The following SENP7 variants were observed in gnomAD, a reference collection of about 807,000 sequenced individuals.
The protein encoded by SENP7 is SUMO specific peptidase 7, also known as sentrin-specific protease 7.
SENP7 carries 64 observed loss-of-function variants against 141.2 expected under a neutral mutation model. The observed-to-expected ratio is 0.45, with a 90% CI of 0.37 to 0.56. The LOEUF (loss-of-function observed/expected upper bound fraction) is 0.56. Ranked by LOEUF, SENP7 falls within the 20% of genes least tolerant of loss-of-function variation. The pLI, the probability that SENP7 is intolerant of heterozygous loss-of-function variation, is 0.00. For missense variants in SENP7, 1,025 were observed against 1,212.2 expected (o/e 0.85, Z 2.29); for synonymous variants, 382 against 426.4 (o/e 0.90, Z 1.28).
At chr3:101,454,874 C>A (rs1425715124) in intron 4 of SENP7, among the ~76,000 whole-genome samples, 2 of 152,078 alleles carry the variant, frequency 1.3e-5, no homozygotes, top group Non-Finnish European at 2.9e-5. Context: ...TGAGTAGTTT[C>A]TTTTGGAGCA....
At chr3:101,396,863 GA>G (rs2060983157) in intron 6 of SENP7, among the ~76,000 whole-genome samples, 2 of 152,092 alleles carry the variant, frequency 1.3e-5, no homozygotes, top group Non-Finnish European at 2.9e-5. Context: ...TGTTTTTTGA[GA>G]TGAAATTTTG....
intron 7 of SENP7, among the ~76,000 whole-genome samples, chr3:101,370,609 G>GT (rs1207383533): frequency 6.6e-6 from 1 of 152,000 alleles, no homozygotes; most frequent in Admixed American, 6.6e-5. Flanking sequence ...TTTTATTGAA[G>GT]TTTTTTTCAA....
intron 4 of SENP7, among the ~76,000 whole-genome samples, chr3:101,441,500 A>C (rs2062672028): frequency 6.6e-6 from 1 of 151,980 alleles, no homozygotes; most frequent in South Asian, 2.1e-4. Flanking sequence ...GCCCATACAC[A>C]CTGTCAAGGG....
At chr3:101,474,593 G>A (rs947985768) in intron 3 of SENP7, among the ~76,000 whole-genome samples, 2 of 152,032 alleles carry the variant, frequency 1.3e-5, no homozygotes, top group African/African-American at 4.8e-5. Flanking sequence ...AGAATATGGG[G>A]TTTTCTAGAT....
chr3:101,450,080 G>T (rs2063066974), intron 4 of SENP7, among the ~76,000 whole-genome samples: 1 of 152,148 alleles, frequency 6.6e-6, no homozygotes, highest in South Asian at 2.1e-4. Flanking sequence ...GGATAAAACA[G>T]ACTTTAAACC....
intron 20 of SENP7, among the ~76,000 whole-genome samples, chr3:101,330,005 T>C (rs1441971936): frequency 6.7e-6 from 1 of 149,862 alleles, no homozygotes; most frequent in African/African-American, 2.4e-5. Context: ...GAATATATAA[T>C]GTGCTTAAGA....
In SENP7 at chr3:101,325,767, C is replaced by A. The variant is rs1288987787; in HGVS notation, c.*176G>T. The A allele has an allele frequency of 9.3e-6, 4 of 430,272 alleles. No homozygotes were observed. Among genetic ancestry groups the A allele is most frequent in the Non-Finnish European group, 1.2e-5 (3 of 253,668 alleles). The allele number at this position is 430,272 out of a possible 1,614,324, so 26.7% of individuals were successfully genotyped here. On this transcript the variant is annotated 3_prime_UTR_variant, in exon 24 of 24. Transcript: ENST00000394095. ...TATATCACCCCCATTCCCATTCCATCTATGAGATCCCAACAATTCTAATAA... is the reference window on the plus strand; with the variant it reads ...TATATCACCCCCATTCCCATTCCATATATGAGATCCCAACAATTCTAATAA...
Position 101,341,727 on chromosome 3 carries a change from CTT to C in SENP7, c.2157_2158del (p.Ser720Ter). On this transcript the variant is annotated frameshift_variant, in exon 15 of 24. Coordinates refer to ENST00000394095, the MANE Select transcript of SENP7 (RefSeq NM_020654.5). LOFTEE classifies it high-confidence loss of function. Reference sequence around the variant, plus strand: ...AATAGAAAGGGAGTAGCAACCGCTACTTTGCTTCTGCAGGAAGGTGTAAGTAG... The same window carrying C: ...AATAGAAAGGGAGTAGCAACCGCTACTGCTTCTGCAGGAAGGTGTAAGTAG... 6.2e-7 allele frequency: 1 copy of C among 1,611,846 alleles called. No homozygotes were observed. The highest frequency in any genetic ancestry group is 8.5e-7 in the Non-Finnish European group (1 of 1,178,388).
intron 4 of SENP7, among the ~76,000 whole-genome samples, chr3:101,447,441 CA>C (rs2062939198): frequency 6.6e-6 from 1 of 150,940 alleles, no homozygotes; most frequent in South Asian, 2.1e-4. Flanking sequence ...GATCCTGTCT[CA>C]AAAAAAATAA....
In SENP7 at chr3:101,366,418, CCT is replaced by C. The variant is rs1250812320; in HGVS notation, c.1318+10_1318+11del. 2 of 1,516,748 alleles carry C rather than the reference CCT, an allele frequency of 1.3e-6. No homozygotes were observed. The allele number at this position is 1,516,748 out of a possible 1,614,324, so 94.0% of individuals were successfully genotyped here. ...GGAAATTAAGTAACTTTATAATCCT[CCT>C]GTCACTTACTTGGTTCAGCTGAGAT... is the stretch of plus-strand genomic sequence containing the variant. On this transcript the variant is annotated intron_variant, in intron 9 of 23. Coordinates refer to ENST00000394095, the MANE Select transcript of SENP7 (RefSeq NM_020654.5).
At chr3:101,478,811 T>C (rs1428120779) in intron 3 of SENP7, among the ~76,000 whole-genome samples, 1 of 152,150 alleles carries the variant, frequency 6.6e-6, no homozygotes, top group Admixed American at 6.6e-5. Flanking sequence ...ATATTATTAA[T>C]AGCATACCGA....
chr3:101,403,828 A>G (rs888019810), intron 5 of SENP7, among the ~76,000 whole-genome samples: 2 of 152,214 alleles, frequency 1.3e-5, no homozygotes, highest in East Asian at 1.9e-4. Context: ...CATAACAGCC[A>G]CAAAAAGAAT....
intron 15 of SENP7, 190 bp from the exon 16 acceptor site, chr3:101,340,401 A>G (rs1414882540): frequency 1.6e-6 from 1 of 630,428 alleles, no homozygotes; most frequent in African/African-American, 1.9e-5. Flanking sequence ...TGGTACTCCG[A>G]TTGAGTATTA....
chr3:101,464,717 T>C (rs539553419), intron 3 of SENP7, among the ~76,000 whole-genome samples: 1 of 152,206 alleles, frequency 6.6e-6, no homozygotes, highest in Non-Finnish European at 1.5e-5. Context: ...GCACAATAAA[T>C]GTAACATGCT....
At position 101,416,203 on chromosome 3, in the gene SENP7, AT is replaced by A. The variant is rs913494225; in HGVS notation, c.482+1389del. ...ACTAACTGAACAATAGACAACAACA[AT>A]TTTAAAACACAGCAAAAAACAAATT... is the stretch of plus-strand genomic sequence containing the variant. On this transcript the variant is annotated intron_variant, in intron 5 of 23. Transcript: ENST00000394095. Among the ~76,000 whole-genome samples, 54 of 152,260 alleles carry A rather than the reference AT, an allele frequency of 3.5e-4. 1 individual carries two copies. The highest frequency in any genetic ancestry group is 1.3e-3 in the African/African-American group (53 of 41,546).
At chr3:101,504,821 C>G (rs1262671898) in intron 1 of SENP7, among the ~76,000 whole-genome samples, 1 of 152,138 alleles carries the variant, frequency 6.6e-6, no homozygotes, top group Admixed American at 6.5e-5. Flanking sequence ...GAGTTTGGGA[C>G]CAGCCTGCAC....
intron 14 of SENP7, 69 bp downstream of exon 14, chr3:101,343,617 C>T (rs1035000622): frequency 8.8e-6 from 13 of 1,477,232 alleles, no homozygotes; most frequent in Non-Finnish European, 1.0e-5. Flanking sequence ...TGAAAGCAGC[C>T]TAATATCAAT....
At chr3:101,328,810 T>A in intron 20 of SENP7, 121 bp from the exon 21 acceptor site, 1 of 719,310 alleles carries the variant, frequency 1.4e-6, no homozygotes, top group Non-Finnish European at 2.3e-6. Flanking sequence ...GTTATCTTCA[T>A]CATCAAAAGT....
At chr3:101,414,250 G>C (rs1003428472) in intron 5 of SENP7, 1 of 658,782 alleles carries the variant, frequency 1.5e-6, no homozygotes. Flanking sequence ...CAGGTGACGA[G>C]TGGTAGAATC....
Sources: allele counts gnomAD v4.1 joint callset (sites outside exome capture counted in the v4.1 genomes callset), GRCh38; gene constraint gnomAD v4.1.1; transcripts MANE v1.5; gene names NCBI Gene and HGNC (gene_info 2026-07-23, HGNC 2026-07-21).